Variants in KIT observed in about 807,000 individuals in gnomAD.
KIT encodes mast/stem cell growth factor receptor Kit.
A neutral mutation model predicts 105.7 loss-of-function variants in KIT; 16 were observed. The ratio of observed to expected loss-of-function variants is 0.15; its 90% CI spans 0.10 to 0.23. The LOEUF is 0.23. Ranked by LOEUF, KIT falls within the 10% of genes least tolerant of loss-of-function variation. KIT has a pLI of 1.00. For synonymous variants in KIT, 438 were observed against 441.1 expected, an observed-to-expected ratio of 0.99 and a Z score of 0.09; for missense variants, 858 against 1,213.8, an observed-to-expected ratio of 0.71 and a Z score of 4.36.
chr4:54,714,617 A>C (rs1721350811), intron 7 of KIT, among the ~76,000 whole-genome samples: 1 of 152,240 alleles, frequency 6.6e-6, no homozygotes, highest in South Asian at 2.1e-4. Flanking sequence ...ATGATAAACC[A>C]GTTGTTTTTC....
chr4:54,697,449 G>A (rs998495479), intron 2 of KIT, among the ~76,000 whole-genome samples: 1 of 152,142 alleles, frequency 6.6e-6, no homozygotes, highest in African/African-American at 2.4e-5. Context: ...GCAGCATATT[G>A]TGTATACGAA....
At chr4:54,696,389 G>A (rs1423002508) in intron 2 of KIT, among the ~76,000 whole-genome samples, 1 of 152,150 alleles carries the variant, frequency 6.6e-6, no homozygotes, top group Non-Finnish European at 1.5e-5. Context: ...GATTTTAATA[G>A]CCTTTTCAAG....
At chr4:54,695,964 G>C in intron 2 of KIT, 183 bp downstream of exon 2, 1 of 685,314 alleles carries the variant, frequency 1.5e-6, no homozygotes, top group Admixed American at 2.6e-5. Flanking sequence ...GTGGCTTTGG[G>C]TATGGCCCCA....
At chr4:54,718,106 G>GT (rs1384278085) in intron 7 of KIT, among the ~76,000 whole-genome samples, 1 of 152,132 alleles carries the variant, frequency 6.6e-6, no homozygotes, top group African/African-American at 2.4e-5. Context: ...GTTTTGTTTT[G>GT]TTTTTTGCTT....
chr4:54,718,375 C>T (rs183612772), intron 7 of KIT, among the ~76,000 whole-genome samples: 5 of 152,272 alleles, frequency 3.3e-5, no homozygotes, highest in South Asian at 4.2e-4. Context: ...CCACTGCACC[C>T]GGCCTATAAC....
chr4:54,716,176 G>A (rs1464083904), intron 7 of KIT, among the ~76,000 whole-genome samples: 1 of 152,144 alleles, frequency 6.6e-6, no homozygotes, highest in Non-Finnish European at 1.5e-5. Flanking sequence ...GATACTATTA[G>A]CGTGACTTCC....
rs527249688 is a variant in KIT, at chr4:54,674,565, T to G, written c.67+16484T>G. Among the ~76,000 whole-genome samples, 7 of 152,340 alleles carry G rather than the reference T, an allele frequency of 4.6e-5. No individual in the cohort carries two copies. In the South Asian group the frequency reaches 1.4e-3, roughly 32 times the overall value. ...CTTCCCAGAATCTATATTGACATTTTAACACAAAATTTGGCAACCTTTGGG... is the reference window on the plus strand; with the variant it reads ...CTTCCCAGAATCTATATTGACATTTGAACACAAAATTTGGCAACCTTTGGG... On this transcript the variant is annotated intron_variant, in intron 1 of 20. Coordinates refer to ENST00000288135, the MANE Select transcript of KIT (RefSeq NM_000222.3).
At position 54,737,276 on chromosome 4, in the gene KIT, A is replaced by C. The variant is rs752222954; in HGVS notation, c.2798A>C (p.Asn933Thr). Residue 933 changes from asparagine (N) to threonine (T), a missense_variant, in exon 20 of 21, where the codon AAT becomes ACT. Physicochemically the swap from Asn to Thr is moderately conservative, Grantham distance 65. Around this residue, in one of 7 missense-constraint regions of KIT, gnomAD observed 105 missense variants for 103.5 expected, o/e 1.01. Coordinates refer to ENST00000288135, the MANE Select transcript of KIT (RefSeq NM_000222.3). ...GAGAAGCAGATTTCAGAGAGCACCAATCATGTGAGTATACCCTGGCCAGGC... is the reference window on the plus strand; with the variant it reads ...GAGAAGCAGATTTCAGAGAGCACCACTCATGTGAGTATACCCTGGCCAGGC... ...LIEKQISEST[N>T]HIYSNLANCS... The C allele has an allele frequency of 6.2e-7, 1 of 1,603,016 alleles. No homozygotes were observed.
intron 1 of KIT, among the ~76,000 whole-genome samples, chr4:54,673,423 T>C (rs1344440016): frequency 6.6e-6 from 1 of 152,236 alleles, no homozygotes; most frequent in East Asian, 1.9e-4. Flanking sequence ...TGCTCTCGTG[T>C]TGTCTTTACC....
At chr4:54,677,940 A>C (rs1430450743) in intron 1 of KIT, among the ~76,000 whole-genome samples, 3 of 152,240 alleles carry the variant, frequency 2.0e-5, no homozygotes, top group African/African-American at 7.2e-5. Flanking sequence ...TGACGTGCTT[A>C]ATGGGAATGT....
chr4:54,736,271 A>G (rs989678135), intron 17 of KIT, among the ~76,000 whole-genome samples: 6 of 152,206 alleles, frequency 3.9e-5, no homozygotes, highest in Admixed American at 6.5e-5. Flanking sequence ...TCCATGCCGT[A>G]CTGACATAGT....
At chr4:54,715,565 G>A (rs1721434897) in intron 7 of KIT, among the ~76,000 whole-genome samples, 1 of 152,110 alleles carries the variant, frequency 6.6e-6, no homozygotes, top group Non-Finnish European at 1.5e-5. Context: ...GAAGAAGGGT[G>A]CCAGGTTGTT....
chr4:54,731,268 C>A (rs1722574378), intron 14 of KIT, 60 bp from the exon 15 acceptor site: 2 of 1,115,142 alleles, frequency 1.8e-6, no homozygotes, highest in Non-Finnish European at 1.4e-6. Context: ...GAGCATGACC[C>A]ATGAGTGCCC....
chr4:54,736,710 CTG>C lies in KIT; in HGVS notation c.2597-7_2597-6del, dbSNP rs1722939332. 3.1e-6 allele frequency: 5 copies of C among 1,612,664 alleles called. No individual in the cohort carries two copies. The highest frequency in any genetic ancestry group is 4.2e-6 in the Non-Finnish European group (5 of 1,178,648). ...CTTGTGATTAACACTGCTTTGCAAA[CTG>C]TGTCTCAGGAAGCAGCCCCTATCCT... On this transcript the variant is annotated splice_polypyrimidine_tract_variant and intron_variant, in intron 18 of 20. Transcript: ENST00000288135.
intron 1 of KIT, among the ~76,000 whole-genome samples, chr4:54,691,709 A>G (rs1287330092): frequency 6.6e-6 from 1 of 151,868 alleles, no homozygotes; most frequent in Non-Finnish European, 1.5e-5. Context: ...TTTTAGGCTG[A>G]TGGACCTCAG....
chr4:54,663,627 G>A (rs567166574), intron 1 of KIT, among the ~76,000 whole-genome samples: 45 of 151,866 alleles, frequency 3.0e-4, no homozygotes, highest in South Asian at 8.4e-4. Flanking sequence ...CACCAAAAGA[G>A]ATACAAATTT....
intron 1 of KIT, among the ~76,000 whole-genome samples, chr4:54,666,192 T>A (rs1343272239): frequency 6.6e-6 from 1 of 152,174 alleles, no homozygotes; most frequent in Non-Finnish European, 1.5e-5. Context: ...ATATTTTTAG[T>A]GTGTGAGTGA....
chr4:54,731,612 G>C (rs1390572632), intron 15 of KIT, among the ~76,000 whole-genome samples, 193 bp downstream of exon 15: 2 of 152,146 alleles, frequency 1.3e-5, no homozygotes, highest in East Asian at 3.8e-4. Context: ...TTTTGTGCCT[G>C]AGTATCTTTC....
At chr4:54,698,647 A>T in intron 3 of KIT, 82 bp downstream of exon 3, 1 of 1,466,088 alleles carries the variant, frequency 6.8e-7, no homozygotes, top group Non-Finnish European at 9.5e-7. Context: ...GATCCACCTT[A>T]GTGTAGTCAA....
Sources: gnomAD v4.1 joint callset for allele counts (sites outside exome capture counted in the v4.1 genomes callset) on GRCh38, gnomAD v4.1.1 for gene constraint, gnomAD v4.1.1 regional missense constraint, MANE v1.5 for transcripts, NCBI Gene and HGNC (gene_info 2026-07-23, HGNC 2026-07-21) for gene names.